The following EXTL3 variants were observed in gnomAD, a reference collection of about 807,000 sequenced individuals.
The protein encoded by EXTL3 is exostosin like glycosyltransferase 3.
A neutral mutation model predicts 69.3 loss-of-function variants in EXTL3; 27 were observed. That is an observed-to-expected ratio of 0.39 (90% CI 0.29 to 0.54). The LOEUF is 0.54. EXTL3 is among the 20% of genes least tolerant of loss of function. The pLI, the probability that EXTL3 is intolerant of heterozygous loss-of-function variation, is 0.69. For missense variants in EXTL3, 1,003 were observed against 1,231.8 expected (o/e 0.81, Z 2.78); for synonymous variants, 511 against 499.4 (o/e 1.02, Z -0.31).
intron 1 of EXTL3, among the ~76,000 whole-genome samples, chr8:28,624,045 C>G (rs573805989): frequency 4.6e-4 from 70 of 152,290 alleles, no homozygotes; most frequent in African/African-American, 1.5e-3. Flanking sequence ...ATCCCCAGAA[C>G]TGAAGAAAAT....
chr8:28,651,939 A>G (rs1806927319), intron 1 of EXTL3, among the ~76,000 whole-genome samples: 1 of 152,118 alleles, frequency 6.6e-6, no homozygotes, highest in Admixed American at 6.5e-5. Flanking sequence ...TTTTGTGTCT[A>G]GCCTCTTTCA....
chr8:28,655,416 G>A (rs574636575), intron 1 of EXTL3, among the ~76,000 whole-genome samples: 60 of 151,974 alleles, frequency 3.9e-4, no homozygotes, highest in Non-Finnish European at 7.5e-4. Context: ...AAGCCGGAAC[G>A]ATCTGATTCT....
At position 28,676,189 on chromosome 8, in the gene EXTL3, C is replaced by G. The variant is rs140579401; in HGVS notation, c.-52-37268C>G. 5.9e-3 allele frequency among the ~76,000 whole-genome samples: 900 copies of G among 152,104 alleles called. 6 individuals carry two copies. The highest frequency in any genetic ancestry group is 8.5e-3 in the Non-Finnish European group (578 of 68,010). On this transcript the variant is annotated intron_variant, in intron 1 of 6. Coordinates refer to the EXTL3 transcript ENST00000523149. ...CAAAGACTTAAGGGACTGGCAGTTA[C>G]AGTGCAATTGTCATTTGAGGCCTAC... is the stretch of plus-strand genomic sequence containing the variant.
rs542442045 is a variant in EXTL3, at chr8:28,681,951, C to T, written c.-52-31506C>T. ...GCCTGTAGTCCCAGTTCCAGCTACT[C>T]GGGAGGCTGAGGCAGGAGAATCGCT... On this transcript the variant is annotated intron_variant, in intron 1 of 6. Transcript: ENST00000523149. Among the ~76,000 whole-genome samples the T allele has an allele frequency of 4.6e-5, 7 of 152,180 alleles. No individual in the cohort carries two copies. In the South Asian group the frequency reaches 8.3e-4, roughly 18 times the overall value.
At chr8:28,683,682 C>T (rs1039796366) in intron 1 of EXTL3, among the ~76,000 whole-genome samples, 7 of 151,958 alleles carry the variant, frequency 4.6e-5, no homozygotes, top group African/African-American at 7.3e-5. Context: ...TAGTGGCACG[C>T]GCCTGTAGTC....
chr8:28,723,666 G>C (rs1801347296), intron 3 of EXTL3, among the ~76,000 whole-genome samples: 1 of 130,976 alleles, frequency 7.6e-6, no homozygotes, highest in Admixed American at 8.4e-5. Flanking sequence ...TTTTGAGACA[G>C]AGTCTCACGC....
intron 1 of EXTL3, among the ~76,000 whole-genome samples, chr8:28,706,956 G>A (rs2130714413): frequency 6.6e-6 from 1 of 152,048 alleles, no homozygotes; most frequent in South Asian, 2.1e-4. Flanking sequence ...TACTTGAGAT[G>A]AGATTACATG....
chr8:28,632,834 G>A (rs918126262), intron 1 of EXTL3, among the ~76,000 whole-genome samples: 11 of 151,988 alleles, frequency 7.2e-5, no homozygotes, highest in African/African-American at 1.4e-4. Context: ...GATTACAGGC[G>A]TGAGCCACTA....
At chr8:28,687,278 C>T (rs929566071) in intron 1 of EXTL3, among the ~76,000 whole-genome samples, 7 of 152,162 alleles carry the variant, frequency 4.6e-5, no homozygotes, top group African/African-American at 1.7e-4. Flanking sequence ...CCAGCCTGGC[C>T]AAGACAGTGA....
At chr8:28,708,482 GT>G (rs1800968225) in intron 1 of EXTL3, among the ~76,000 whole-genome samples, 1 of 143,938 alleles carries the variant, frequency 6.9e-6, no homozygotes, top group African/African-American at 2.6e-5. Flanking sequence ...GTTGGGAAAT[GT>G]GTTTTAGTGC....
intron 1 of EXTL3, among the ~76,000 whole-genome samples, chr8:28,664,343 C>T (rs1807161114): frequency 6.6e-6 from 1 of 152,082 alleles, no homozygotes; most frequent in South Asian, 2.1e-4. Context: ...TTGGTGAGTG[C>T]ATGGGCAGAG....
chr8:28,647,265 C>T (rs1806846947), intron 1 of EXTL3, among the ~76,000 whole-genome samples: 1 of 152,004 alleles, frequency 6.6e-6, no homozygotes, highest in African/African-American at 2.4e-5. Context: ...CCACCATGCC[C>T]AATGAATTTT....
intron 1 of EXTL3, among the ~76,000 whole-genome samples, chr8:28,708,318 G>A (rs1041087830): frequency 2.0e-5 from 3 of 152,140 alleles, no homozygotes; most frequent in East Asian, 1.9e-4. Flanking sequence ...CACTGTGGTC[G>A]TTGGATTGTG....
At chr8:28,727,746 T>A (rs1801443297) in intron 3 of EXTL3, among the ~76,000 whole-genome samples, 1 of 152,196 alleles carries the variant, frequency 6.6e-6, no homozygotes, top group Non-Finnish European at 1.5e-5. Flanking sequence ...TTTCTCCCTC[T>A]GTACCAGTGC....
intron 1 of EXTL3, among the ~76,000 whole-genome samples, chr8:28,708,078 C>T (rs908154035): frequency 6.6e-6 from 1 of 152,140 alleles, no homozygotes; most frequent in East Asian, 1.9e-4. Flanking sequence ...TGTGGAACAC[C>T]TTGGGATTTA....
At chr8:28,609,360 G>C (rs1806242415) in intron 2 of EXTL3, among the ~76,000 whole-genome samples, 1 of 151,938 alleles carries the variant, frequency 6.6e-6, no homozygotes, top group Non-Finnish European at 1.5e-5. Flanking sequence ...CGCTGGAGGG[G>C]AGGGTGGTAC....
At chr8:28,609,813 C>T (rs1489310288) in intron 2 of EXTL3, among the ~76,000 whole-genome samples, 1 of 151,370 alleles carries the variant, frequency 6.6e-6, no homozygotes, top group Non-Finnish European at 1.5e-5. Flanking sequence ...TCGCTTGAGC[C>T]CAGGAGATTG....
At chr8:28,743,680 T>C (rs184351911) in intron 6 of EXTL3, among the ~76,000 whole-genome samples, 2 of 152,356 alleles carry the variant, frequency 1.3e-5, no homozygotes, top group African/African-American at 4.8e-5. Context: ...GATGTTGTGA[T>C]TTAATACATT....
At chr8:28,612,453 C>A (rs73232986) in intron 2 of EXTL3, among the ~76,000 whole-genome samples, 19,774 of 146,762 alleles carry the variant, frequency 0.13, 1,758 homozygotes, top group Admixed American at 0.28. Flanking sequence ...CGGAGCGAGA[C>A]TCCATCTCTT....
Sources: gnomAD v4.1 joint callset for allele counts (sites outside exome capture counted in the v4.1 genomes callset) on GRCh38, gnomAD v4.1.1 for gene constraint, MANE v1.5 for transcripts, NCBI Gene and HGNC (gene_info 2026-07-23, HGNC 2026-07-21) for gene names.